SGMS1: variants seen among roughly 807,000 people sequenced by gnomAD.
The protein encoded by SGMS1 is phosphatidylcholine:ceramide cholinephosphotransferase 1.
In SGMS1, 13 loss-of-function variants were observed where a neutral mutation model predicts 46.2. That is an observed-to-expected ratio of 0.28 (90% CI 0.18 to 0.45). The LOEUF (loss-of-function observed/expected upper bound fraction) is 0.45, where lower values mean the gene tolerates loss of function less well. Among genes scored for constraint, SGMS1 ranks in the 20% least tolerant of loss-of-function variants. The pLI, the probability that SGMS1 is intolerant of heterozygous loss-of-function variation, is 1.00. For synonymous variants in SGMS1, 203 were observed against 187.8 expected (o/e 1.08, Z -0.66); for missense variants, 324 against 519.9 (o/e 0.62, Z 3.66).
chr10:50,625,153 A>G (rs74131448), upstream of SGMS1: 20,575 of 771,604 alleles, frequency 0.027, 1,529 homozygotes, highest in East Asian at 0.37. Context: ...CGCCCGGGCC[A>G]GAAGCAAACT....
intron 6 of SGMS1, among the ~76,000 whole-genome samples, chr10:50,408,082 A>C (rs1048170356): frequency 6.6e-6 from 1 of 152,202 alleles, no homozygotes; most frequent in African/African-American, 2.4e-5. Context: ...GTAGCTATTG[A>C]GCACTTGAAA....
chr10:50,334,007 G>A (rs2133332791), intron 7 of SGMS1, among the ~76,000 whole-genome samples: 1 of 152,322 alleles, frequency 6.6e-6, no homozygotes, highest in African/African-American at 2.4e-5. Flanking sequence ...CTAGCCTGGA[G>A]CCAGAGAGTA....
At chr10:50,492,101 T>C (rs966579926) in intron 3 of SGMS1, among the ~76,000 whole-genome samples, 2 of 152,222 alleles carry the variant, frequency 1.3e-5, no homozygotes, top group Admixed American at 1.3e-4. Flanking sequence ...GAAAAGGGTT[T>C]TGATAAAATT....
At chr10:50,429,692 C>T (rs1007504486) in intron 6 of SGMS1, among the ~76,000 whole-genome samples, 1 of 82,238 alleles carries the variant, frequency 1.2e-5, no homozygotes, top group African/African-American at 4.8e-5. Context: ...TTTTTCTACA[C>T]ATACACACAC....
At chr10:50,523,494 C>A (rs1323194065) in intron 2 of SGMS1, among the ~76,000 whole-genome samples, 1 of 152,172 alleles carries the variant, frequency 6.6e-6, no homozygotes, top group African/African-American at 2.4e-5. Flanking sequence ...CTTCAGATAG[C>A]CAGCTGGCTA....
At chr10:50,572,023 T>C (rs999321356) in intron 2 of SGMS1, among the ~76,000 whole-genome samples, 6 of 152,138 alleles carry the variant, frequency 3.9e-5, no homozygotes, top group African/African-American at 1.2e-4. Context: ...TCTACCACCA[T>C]GTATCTTGTA....
chr10:50,606,787 A>G (rs1202869288), intron 1 of SGMS1, among the ~76,000 whole-genome samples: 1 of 152,184 alleles, frequency 6.6e-6, no homozygotes, highest in Non-Finnish European at 1.5e-5. Context: ...ACAAGGCATT[A>G]TATTTGAATA....
At chr10:50,519,280 A>C (rs1323579796) in intron 3 of SGMS1, among the ~76,000 whole-genome samples, 1 of 152,224 alleles carries the variant, frequency 6.6e-6, no homozygotes, top group Non-Finnish European at 1.5e-5. Context: ...TGTTTCGTTC[A>C]TCTAACTTTT....
intron 4 of SGMS1, among the ~76,000 whole-genome samples, chr10:50,461,842 C>T (rs1467967077): frequency 1.3e-5 from 2 of 152,180 alleles, no homozygotes; most frequent in Non-Finnish European, 2.9e-5. Flanking sequence ...CCAGGCATCC[C>T]TCCGTACCCT....
chr10:50,602,518 G>T lies in SGMS1; in HGVS notation c.-683-12271C>A, dbSNP rs368092554. On this transcript the variant is annotated intron_variant, in intron 1 of 10. Transcript: ENST00000361781. ...GGGAAGAAGGGAGAAGAAGGCTACT[G>T]GAGAAGATGCACAGTGTTTATTTGG... Among the ~76,000 whole-genome samples, 4 of 152,266 alleles carry T rather than the reference G, an allele frequency of 2.6e-5. No homozygotes were observed. The East Asian group carries it at 7.7e-4, about 29-fold the overall frequency.
chr10:50,596,565 T>A (rs573226902), intron 1 of SGMS1, among the ~76,000 whole-genome samples: 2 of 152,358 alleles, frequency 1.3e-5, no homozygotes, highest in Middle Eastern at 3.4e-3. Context: ...CCCTTTATGA[T>A]ATCATTTTTT....
chr10:50,541,366 T>G (rs1420137065), intron 2 of SGMS1, among the ~76,000 whole-genome samples: 46 of 152,148 alleles, frequency 3.0e-4, no homozygotes, highest in Non-Finnish European at 1.5e-5. Flanking sequence ...CTATTGAAAA[T>G]GTTTCTTAAG....
chr10:50,500,878 TA>T (rs2133756148), intron 3 of SGMS1, among the ~76,000 whole-genome samples: 1 of 152,360 alleles, frequency 6.6e-6, no homozygotes, highest in South Asian at 2.1e-4. Context: ...ATTGTTCCAT[TA>T]AAATTCTTTA....
At chr10:50,490,857 A>T (rs943461952) in intron 3 of SGMS1, among the ~76,000 whole-genome samples, 2 of 152,260 alleles carry the variant, frequency 1.3e-5, no homozygotes, top group African/African-American at 4.8e-5. Flanking sequence ...GGGTGCTCCC[A>T]CTCCATGGCC....
At chr10:50,560,323 T>C (rs1180884606) in intron 2 of SGMS1, among the ~76,000 whole-genome samples, 1 of 138,246 alleles carries the variant, frequency 7.2e-6, no homozygotes, top group Non-Finnish European at 1.5e-5. Context: ...ATTATTAATA[T>C]TATATATTAT....
rs766859981 is a variant in SGMS1 at position 50,343,717 on chromosome 10, C to T, written c.398G>A (p.Gly133Asp). ...ATAAAGAAAGGCCAGAAAAGTCTTG[C>T]CCCACTCCATGGGGTACTGAGAGCG... is the stretch of plus-strand genomic sequence containing the variant. Reference protein sequence around the residue: ...LERSQYPMEWGKTFLAFLYAL... With the variant: ...LERSQYPMEWDKTFLAFLYAL... The change falls in exon 7 of 11, where the codon GGC becomes GAC. Residue 133 changes from glycine to aspartate, a missense_variant. Transcript: ENST00000361781. 6 of 1,614,042 alleles carry T rather than the reference C, an allele frequency of 3.7e-6. No homozygotes were observed. The highest frequency in any genetic ancestry group is 5.1e-6 in the Non-Finnish European group (6 of 1,180,038).
intron 5 of SGMS1, among the ~76,000 whole-genome samples, chr10:50,442,349 C>T (rs1390718120): frequency 1.3e-5 from 2 of 152,128 alleles, no homozygotes; most frequent in Non-Finnish European, 2.9e-5. Flanking sequence ...CACCGCCCCC[C>T]TCTGACAGGT....
chr10:50,595,519 G>A (rs965925173), intron 1 of SGMS1, among the ~76,000 whole-genome samples: 8 of 152,162 alleles, frequency 5.3e-5, no homozygotes, highest in Admixed American at 4.6e-4. Context: ...TACCGGGTAT[G>A]TATTATTCCC....
rs567835116 is a variant in SGMS1 at position 50,490,366 on chromosome 10, C to T, written c.-497-23434G>A. On this transcript the variant is annotated intron_variant, in intron 3 of 10. Coordinates refer to ENST00000361781, the MANE Select transcript of SGMS1 (RefSeq NM_147156.4). Reference sequence around the variant, plus strand: ...TTTGAATTTAAGAATGTAAATATGACGCCTAGGAGAAGGCATTAGAACTAT... The same window carrying T: ...TTTGAATTTAAGAATGTAAATATGATGCCTAGGAGAAGGCATTAGAACTAT... Among the ~76,000 whole-genome samples the T allele has an allele frequency of 3.9e-5, 6 of 152,218 alleles. No homozygotes were observed. In the South Asian group the frequency reaches 6.2e-4, roughly 16 times the overall value.
Sources: allele counts gnomAD v4.1 joint callset (sites outside exome capture counted in the v4.1 genomes callset), GRCh38; gene constraint gnomAD v4.1.1; transcripts MANE v1.5; gene names NCBI Gene and HGNC (gene_info 2026-07-23, HGNC 2026-07-21).